OR1A1: variants seen among roughly 807,000 people sequenced by gnomAD.
OR1A1 encodes the protein olfactory receptor 1A1.
For missense variants in OR1A1, 391 were observed against 379.9 expected (o/e 1.03, Z -0.24); for synonymous variants, 145 against 147.8 (o/e 0.98, Z 0.13).
Position 3,216,249 on chromosome 17 carries a change from T to G in OR1A1, c.629T>G (p.Leu210Ter), listed in dbSNP as rs1192883859. 1 of 1,614,184 alleles carries G rather than the reference T, an allele frequency of 6.2e-7. No homozygotes were observed. The highest frequency in any genetic ancestry group is 1.1e-5 in the South Asian group (1 of 91,072). The stretch of plus-strand genomic sequence containing the variant: ...GGGGTTGGCATTTTCTCTGTGCCAT[T>G]ACTATGCATCATTGTCTCCTATATT... ...YLGVGIFSVP[L>*]LCIIVSYIRV... Residue 210 changes from leucine (L) to a stop codon, truncating the protein, a stop_gained, in exon 4 of 4, where the codon TTA becomes TGA. Transcript: ENST00000641732. LOFTEE classifies it high-confidence loss of function.
chr17:3,207,914 A>G lies in OR1A1; in HGVS notation c.-643A>G, dbSNP rs2048419303. On this transcript the variant is annotated 5_prime_UTR_variant, in exon 1 of 4. Transcript: ENST00000641732. ...TTAAAAGCATCTGAACTGACTCCAC[A>G]GATAGGGACTTAGACATTGGAAGAG... 6.6e-6 allele frequency: 1 copy of G among 152,284 alleles called. No individual in the cohort carries two copies. Among genetic ancestry groups the G allele is most frequent in the South Asian group, 2.1e-4 (1 of 4,832 alleles). The allele number at this position is 152,284 out of a possible 1,614,324, so 9.4% of individuals were successfully genotyped here. A position where few individuals can be genotyped will look rare whatever the true frequency, so the allele number is the denominator to read the frequency against.
chr17:3,215,551 G>A (rs2048462091), intron 3 of OR1A1, 65 bp from the exon 4 acceptor site: 1 of 1,160,424 alleles, frequency 8.6e-7, no homozygotes, highest in Non-Finnish European at 1.2e-6. Context: ...TGATGGAGAA[G>A]GATTATCACT....
At chr17:3,208,466 C>T (rs137902123) in intron 1 of OR1A1, 115 bp from the exon 2 acceptor site, 1 of 151,942 alleles carries the variant, frequency 6.6e-6, no homozygotes, top group Non-Finnish European at 1.5e-5. Context: ...ATTTCATTAC[C>T]AAAGCACTGA....
chr17:3,215,505 C>A (rs1312551071), intron 3 of OR1A1, 111 bp from the exon 4 acceptor site: 15 of 730,422 alleles, frequency 2.1e-5, no homozygotes, highest in Non-Finnish European at 2.7e-5. Context: ...TTAATAAACT[C>A]AGGTGTATAC....
chr17:3,208,072 A>G (rs1179525234), intron 1 of OR1A1, 72 bp downstream of exon 1: 1 of 152,218 alleles, frequency 6.6e-6, no homozygotes, highest in Non-Finnish European at 1.5e-5. Flanking sequence ...AGACACACAC[A>G]GAGATAGTGG....
rs1464221171 is a variant in OR1A1, at chr17:3,216,474, C to A, written c.854C>A (p.Pro285His). Residue 285 changes from proline to histidine, a missense_variant, in exon 4 of 4, where the codon CCT (proline) becomes CAT (histidine). Physicochemically the swap from Pro to His is moderately conservative, Grantham distance 77 (BLOSUM62 -2). Transcript: ENST00000641732. Reference protein sequence around the residue: ...MYTAVTPMLNPFIYSLRNRDM... With the variant: ...MYTAVTPMLNHFIYSLRNRDM... ...ACGGCAGTGACCCCAATGTTAAATC[C>A]TTTCATCTACAGTCTGAGAAATCGG... The A allele has an allele frequency of 6.2e-7, 1 of 1,614,110 alleles. No individual in the cohort carries two copies. Among genetic ancestry groups the A allele is most frequent in the Non-Finnish European group, 8.5e-7 (1 of 1,179,992 alleles).
chr17:3,215,617 A>C lies in OR1A1; in HGVS notation c.-4A>C, dbSNP rs745568148. ...TTCCTCTCCCCTTTCATGTTAAAGA[A>C]GCCATGAGGGAAAATAACCAGTCCT... On this transcript the variant is annotated splice_region_variant and 5_prime_UTR_variant, in exon 4 of 4. Coordinates refer to ENST00000641732, the MANE Select transcript of OR1A1 (RefSeq NM_014565.3). 7 of 1,604,434 alleles carry C rather than the reference A, an allele frequency of 4.4e-6. No homozygotes were observed. Among genetic ancestry groups the C allele is most frequent in the Non-Finnish European group, 6.0e-6 (7 of 1,172,066 alleles).
In OR1A1 at chr17:3,216,421, A is replaced by T. The variant is rs1300513634; in HGVS notation, c.801A>T (p.Leu267=). The change falls in exon 4 of 4, where the codon CTA becomes CTT. Residue 267 remains leucine (L), a synonymous_variant. Transcript: ENST00000641732. ...TCCGCCCTTTGACCAATTATAGCCT[A>T]AAAGACGCAGTGATCACTGTAATGT... The part of the protein sequence containing the change: ...TYFRPLTNYS[L]KDAVITVMYT... The T allele has an allele frequency of 2.5e-6, 4 of 1,614,034 alleles. No homozygotes were observed. Among genetic ancestry groups the T allele is most frequent in the Non-Finnish European group, 3.4e-6 (4 of 1,180,014 alleles).
At chr17:3,215,489 T>C in intron 3 of OR1A1, 127 bp from the exon 4 acceptor site, 2 of 678,076 alleles carry the variant, frequency 2.9e-6, no homozygotes, top group Non-Finnish European at 4.9e-6. Context: ...TGGATATCTC[T>C]ATAATTTAAT....
intron 3 of OR1A1, chr17:3,214,481 CCACTG>C (rs2048457123): frequency 6.6e-6 from 1 of 150,728 alleles, no homozygotes; most frequent in African/African-American, 2.4e-5. Flanking sequence ...CGAGATCACA[CCACTG>C]CACTCCAGCC....
rs141531996 is a variant in OR1A1, at chr17:3,207,877, C to A, written c.-680C>A. On this transcript the variant is annotated 5_prime_UTR_variant, in exon 1 of 4. Coordinates refer to ENST00000641732, the MANE Select transcript of OR1A1 (RefSeq NM_014565.3). The stretch of plus-strand genomic sequence containing the variant: ...TGGAGGAGAAGTGAAGGCCACAGGG[C>A]CAGGACCCTTTTTAAAAGCATCTGA... The A allele has an allele frequency of 6.6e-6, 1 of 152,352 alleles. No individual in the cohort carries two copies. Among genetic ancestry groups the A allele is most frequent in the African/African-American group, 2.4e-5 (1 of 41,578 alleles). 9.4% of individuals were successfully genotyped at this position (152,352 alleles called of 1,614,324 possible).
At position 3,216,043 on chromosome 17, in the gene OR1A1, T is replaced by G. The variant is rs1475974478; in HGVS notation, c.423T>G (p.Cys141Trp). The G allele has an allele frequency of 1.2e-6, 2 of 1,614,042 alleles. No homozygotes were observed. Among genetic ancestry groups the G allele is most frequent in the African/African-American group, 2.7e-5 (2 of 74,906 alleles). The change falls in exon 4 of 4, where the codon TGT (cysteine) becomes TGG (tryptophan). Residue 141 changes from cysteine (C) to tryptophan (W), a missense_variant. Coordinates refer to ENST00000641732, the MANE Select transcript of OR1A1 (RefSeq NM_014565.3). ...HYTTIMSPRS[C>W]IWLIAGSWVI... ...CAACAATTATGAGTCCACGGTCTTG[T>G]ATCTGGCTTATTGCTGGGTCTTGGG...
chr17:3,211,818 T>C (rs2048443309), intron 2 of OR1A1, among the ~76,000 whole-genome samples: 1 of 152,208 alleles, frequency 6.6e-6, no homozygotes, highest in Non-Finnish European at 1.5e-5. Flanking sequence ...CTAAAGTTTA[T>C]TTTTTAAATC....
chr17:3,216,569 T>C lies in OR1A1; in HGVS notation c.*19T>C, dbSNP rs374896663. On this transcript the variant is annotated 3_prime_UTR_variant, in exon 4 of 4. Coordinates refer to ENST00000641732, the MANE Select transcript of OR1A1 (RefSeq NM_014565.3). ...CTCGTAACCAATGTGAGGGCCTACATTGGATACCGTAGTCACCAGTTACGG... is the reference window on the plus strand; with the variant it reads ...CTCGTAACCAATGTGAGGGCCTACACTGGATACCGTAGTCACCAGTTACGG... The C allele has an allele frequency of 7.1e-5, 111 of 1,573,844 alleles. No individual in the cohort carries two copies. Among genetic ancestry groups the C allele is most frequent in the Middle Eastern group, 1.7e-4 (1 of 5,852 alleles).
At position 3,217,784 on chromosome 17, in the gene OR1A1, G is replaced by A. The variant is rs1165507940; in HGVS notation, c.*1234G>A. 1 of 152,058 alleles carries A rather than the reference G, an allele frequency of 6.6e-6. No individual in the cohort carries two copies. The highest frequency in any genetic ancestry group is 1.5e-5 in the Non-Finnish European group (1 of 68,004). 9.4% of individuals were successfully genotyped at this position (152,058 alleles called of 1,614,324 possible). A position where few individuals can be genotyped will look rare whatever the true frequency, so the allele number is the denominator to read the frequency against. On this transcript the variant is annotated 3_prime_UTR_variant, in exon 4 of 4. Transcript: ENST00000641732. Reference sequence around the variant, plus strand: ...TCTTATACAAAAATTAACTCAAGATGGATTAAAGGCTTAAACGTAAGACCT... The same window carrying A: ...TCTTATACAAAAATTAACTCAAGATAGATTAAAGGCTTAAACGTAAGACCT...
rs2048468942 is a variant in OR1A1 at position 3,216,276 on chromosome 17, G to A, written c.656G>A (p.Arg219Gln). 5.0e-6 allele frequency: 8 copies of A among 1,614,070 alleles called. No homozygotes were observed. Among genetic ancestry groups the A allele is most frequent in the South Asian group, 3.3e-5 (3 of 91,070 alleles). The change falls in exon 4 of 4, where the codon CGA (arginine) becomes CAA (glutamine). Residue 219 changes from arginine (R) to glutamine (Q), a missense_variant. Arg to Gln is a conservative substitution (Grantham distance 43). Coordinates refer to ENST00000641732, the MANE Select transcript of OR1A1 (RefSeq NM_014565.3). ...CTATGCATCATTGTCTCCTATATTC[G>A]AGTCTTCTCCACAGTCTTCCAGGTT... ...PLLCIIVSYI[R>Q]VFSTVFQVPS... is the part of the protein sequence containing the mutation.
In OR1A1 at chr17:3,218,629, T is replaced by C. The variant is rs941367866; in HGVS notation, c.*2079T>C. 2 of 152,058 alleles carry C rather than the reference T, an allele frequency of 1.3e-5. No homozygotes were observed. The highest frequency in any genetic ancestry group is 2.4e-5 in the African/African-American group (1 of 41,382). The allele number at this position is 152,058 out of a possible 1,614,324, so 9.4% of individuals were successfully genotyped here. A position where few individuals can be genotyped will look rare whatever the true frequency, so the allele number is the denominator to read the frequency against. On this transcript the variant is annotated 3_prime_UTR_variant, in exon 4 of 4. Transcript: ENST00000641732. ...TTCATGTCCTTTGCAGGGACATGGA[T>C]CAAGCTGGAAACCATCATTCTCAGC...
chr17:3,212,266 T>C (rs1420120018), intron 2 of OR1A1, among the ~76,000 whole-genome samples: 1 of 152,194 alleles, frequency 6.6e-6, no homozygotes, highest in Non-Finnish European at 1.5e-5. Flanking sequence ...TACCCAGCCA[T>C]TAAGAACTAG....
In OR1A1 at chr17:3,208,566, C is replaced by T. The variant is rs2048424239; in HGVS notation, c.-556-15C>T. The T allele has an allele frequency of 6.6e-6, 1 of 152,150 alleles. No homozygotes were observed. The highest frequency in any genetic ancestry group is 2.4e-5 in the African/African-American group (1 of 41,384). The allele number at this position is 152,150 out of a possible 1,614,324, so 9.4% of individuals were successfully genotyped here. On this transcript the variant is annotated splice_polypyrimidine_tract_variant and intron_variant, in intron 1 of 3. Coordinates refer to ENST00000641732, the MANE Select transcript of OR1A1 (RefSeq NM_014565.3). ...CCCAGATAAGGGGAAACACTTGCCT[C>T]CTCTGTCCCTGCAGAATTGTTCTCA...
Sources: allele counts gnomAD v4.1 joint callset (sites outside exome capture counted in the v4.1 genomes callset), GRCh38; gene constraint gnomAD v4.1.1; transcripts MANE v1.5; gene names NCBI Gene and HGNC (gene_info 2026-07-23, HGNC 2026-07-21).